The following MPPED2 variants were observed in gnomAD, a reference collection of about 807,000 sequenced individuals.
MPPED2 encodes the protein metallophosphoesterase domain containing 2.
In MPPED2, 5 loss-of-function variants were observed where a neutral mutation model predicts 33.0. The ratio of observed to expected loss-of-function variants is 0.15; its 90% CI spans 0.08 to 0.32. The LOEUF (loss-of-function observed/expected upper bound fraction) is 0.32. Among genes scored for constraint, MPPED2 ranks in the 10% least tolerant of loss-of-function variants. The pLI is 1.00. For synonymous variants in MPPED2, 136 were observed against 141.9 expected (o/e 0.96, Z 0.29); for missense variants, 275 against 372.1 (o/e 0.74, Z 2.15).
intron 3 of MPPED2, among the ~76,000 whole-genome samples, chr11:30,532,589 C>T (rs1590744309): frequency 6.6e-6 from 1 of 152,154 alleles, no homozygotes; most frequent in African/African-American, 2.4e-5. Flanking sequence ...TCACAACCAC[C>T]GTAAGGTGTA....
chr11:30,580,382 C>A lies in MPPED2; in HGVS notation c.-9G>T. 6.2e-7 allele frequency: 1 copy of A among 1,613,808 alleles called. No individual in the cohort carries two copies. Among genetic ancestry groups the A allele is most frequent in the South Asian group, 1.1e-5 (1 of 91,002 alleles). On this transcript the variant is annotated 5_prime_UTR_variant, in exon 2 of 7. Transcript: ENST00000358117. Reference sequence around the variant, plus strand: ...GGAATCCCATGTGCCATCCTTCCTCCCTATAGGCATGAGCAATTCACAACT... The same window carrying A: ...GGAATCCCATGTGCCATCCTTCCTCACTATAGGCATGAGCAATTCACAACT...
chr11:30,406,129 G>A (rs1273652134), downstream of MPPED2, among the ~76,000 whole-genome samples: 1 of 152,158 alleles, frequency 6.6e-6, no homozygotes, highest in Non-Finnish European at 1.5e-5. Context: ...GTTGCAGGTG[G>A]ACGGGTTGAA....
At chr11:30,465,075 A>G (rs1398080726) in intron 4 of MPPED2, among the ~76,000 whole-genome samples, 4 of 152,212 alleles carry the variant, frequency 2.6e-5, no homozygotes, top group Non-Finnish European at 5.9e-5. Context: ...TGAACTGTTC[A>G]GCAGTATCTG....
At chr11:30,425,241 C>A (rs890869164) in intron 4 of MPPED2, among the ~76,000 whole-genome samples, 2 of 152,132 alleles carry the variant, frequency 1.3e-5, no homozygotes, top group African/African-American at 4.8e-5. Context: ...TACAAACACA[C>A]CCGCTGTGTC....
At chr11:30,444,585 T>G (rs1440553039) in intron 4 of MPPED2, among the ~76,000 whole-genome samples, 1 of 152,030 alleles carries the variant, frequency 6.6e-6, no homozygotes, top group African/African-American at 2.4e-5. Flanking sequence ...GTACATTTAC[T>G]GTGATTTCAA....
At chr11:30,425,395 T>G (rs2133813113) in intron 4 of MPPED2, among the ~76,000 whole-genome samples, 1 of 152,342 alleles carries the variant, frequency 6.6e-6, no homozygotes, top group African/African-American at 2.4e-5. Flanking sequence ...GTTTTCGAAC[T>G]TGGCGTGCTC....
intron 5 of MPPED2, among the ~76,000 whole-genome samples, chr11:30,416,917 G>A (rs1948391169): frequency 6.6e-6 from 1 of 152,168 alleles, no homozygotes; most frequent in Non-Finnish European, 1.5e-5. Context: ...CTAGTGGGTA[G>A]GCTTTGAAGC....
intron 4 of MPPED2, among the ~76,000 whole-genome samples, chr11:30,473,656 GC>G (rs1431652852): frequency 1.3e-5 from 2 of 151,972 alleles, no homozygotes; most frequent in Non-Finnish European, 2.9e-5. Context: ...AAAAAGTTCA[GC>G]CAAAGTGATG....
chr11:30,553,345 A>G (rs1314288409), intron 2 of MPPED2, among the ~76,000 whole-genome samples: 1 of 152,210 alleles, frequency 6.6e-6, no homozygotes, highest in Non-Finnish European at 1.5e-5. Flanking sequence ...ATCAGAAATC[A>G]CAATTACCAA....
At position 30,510,423 on chromosome 11, in the gene MPPED2, A is replaced by G. The variant is rs538708697; in HGVS notation, c.311-14902T>C. On this transcript the variant is annotated intron_variant, in intron 3 of 6. Transcript: ENST00000358117. Reference sequence around the variant, plus strand: ...ACAACTTTTACTTTTATTTTCATCAATAACTAAGGGGCTACATTTGCTTAT... The same window carrying G: ...ACAACTTTTACTTTTATTTTCATCAGTAACTAAGGGGCTACATTTGCTTAT... 2.0e-4 allele frequency among the ~76,000 whole-genome samples: 30 copies of G among 152,312 alleles called. 1 individual carries two copies. Among genetic ancestry groups the G allele is most frequent in the Admixed American group, 9.2e-4 (14 of 15,294 alleles).
intron 3 of MPPED2, among the ~76,000 whole-genome samples, chr11:30,498,608 C>A (rs1210437591): frequency 6.6e-6 from 1 of 151,072 alleles, no homozygotes; most frequent in Non-Finnish European, 1.5e-5. Flanking sequence ...AAGGCATGGT[C>A]TATGTTCTAC....
chr11:30,433,644 C>T (rs1275438634), intron 4 of MPPED2, among the ~76,000 whole-genome samples: 2 of 152,170 alleles, frequency 1.3e-5, no homozygotes, highest in African/African-American at 4.8e-5. Context: ...TCTTTTCTCA[C>T]ATTGGTCCCT....
At chr11:30,464,207 T>C (rs1330003584) in intron 4 of MPPED2, among the ~76,000 whole-genome samples, 2 of 151,268 alleles carry the variant, frequency 1.3e-5, no homozygotes, top group Non-Finnish European at 2.9e-5. Context: ...ACTAGTAAAA[T>C]TTCAAGGAAT....
intron 2 of MPPED2, among the ~76,000 whole-genome samples, chr11:30,570,885 C>G (rs1956659118): frequency 6.6e-6 from 1 of 152,170 alleles, no homozygotes; most frequent in Non-Finnish European, 1.5e-5. Flanking sequence ...AAAAAGCCCA[C>G]AGCAAGACAG....
At chr11:30,427,525 T>C (rs932731907) in intron 4 of MPPED2, among the ~76,000 whole-genome samples, 4 of 152,156 alleles carry the variant, frequency 2.6e-5, no homozygotes, top group Admixed American at 6.5e-5. Flanking sequence ...ATAAGGTCAA[T>C]TGGAAACTCA....
At chr11:30,432,392 G>T (rs1949119352) in intron 4 of MPPED2, among the ~76,000 whole-genome samples, 1 of 151,640 alleles carries the variant, frequency 6.6e-6, no homozygotes, top group African/African-American at 2.4e-5. Flanking sequence ...AGAACATTGT[G>T]CAAGGTTTTC....
At chr11:30,585,514 C>T (rs563932424) in intron 1 of MPPED2, among the ~76,000 whole-genome samples, 1 of 152,204 alleles carries the variant, frequency 6.6e-6, no homozygotes, top group African/African-American at 2.4e-5. Context: ...TGCACCCAGG[C>T]CTAGGCCGGG....
At chr11:30,392,189 C>T (rs965398933) in intron 6 of MPPED2, among the ~76,000 whole-genome samples, 6 of 152,308 alleles carry the variant, frequency 3.9e-5, no homozygotes, top group African/African-American at 9.6e-5. Flanking sequence ...TAGAAGATAG[C>T]GATTGACTCC....
At chr11:30,437,439 CA>C (rs1017574341) in intron 4 of MPPED2, among the ~76,000 whole-genome samples, 2 of 152,188 alleles carry the variant, frequency 1.3e-5, no homozygotes, top group African/African-American at 4.8e-5. Context: ...TTTTCCCCAT[CA>C]AATTTCAACC....
Sources: gnomAD v4.1 joint callset for allele counts (sites outside exome capture counted in the v4.1 genomes callset) on GRCh38, gnomAD v4.1.1 for gene constraint, MANE v1.5 for transcripts, NCBI Gene and HGNC (gene_info 2026-07-23, HGNC 2026-07-21) for gene names.